DEAF1: variants seen among roughly 807,000 people sequenced by gnomAD.
The protein encoded by DEAF1 is deformed epidermal autoregulatory factor 1 homolog.
A neutral mutation model predicts 58.9 loss-of-function variants in DEAF1; 53 were observed. The observed-to-expected ratio is 0.90, with a 90% CI of 0.72 to 1.13. The LOEUF (loss-of-function observed/expected upper bound fraction) is 1.13. Ranked by LOEUF, DEAF1 falls within the 50% of genes most tolerant of loss-of-function variation. The pLI is 0.00. For missense variants in DEAF1, 685 were observed against 791.4 expected, an observed-to-expected ratio of 0.87 and a Z score of 1.61; for synonymous variants, 385 against 340.4, an observed-to-expected ratio of 1.13 and a Z score of -1.44.
intron 5 of DEAF1, among the ~76,000 whole-genome samples, chr11:685,755 C>T (rs1456796329): frequency 1.3e-5 from 2 of 151,920 alleles, no homozygotes; most frequent in African/African-American, 4.8e-5. Flanking sequence ...GTGGCTCACA[C>T]ATGTAATCCC....
Position 681,001 on chromosome 11 carries a change from T to G in DEAF1, c.959A>C (p.Lys320Thr). Residue 320 changes from lysine (K) to threonine (T), a missense_variant, in exon 7 of 12, where the codon AAG becomes ACG. This residue lies in a region of DEAF1 where 343 missense variants were observed against 379.8 expected (regional missense o/e 0.90). Coordinates refer to ENST00000382409, the MANE Select transcript of DEAF1 (RefSeq NM_021008.4). ...PTTPVKKDSP[K>T]NITLLPATAA... Reference sequence around the variant, plus strand: ...GGTGGCTGGAAGCAATGTGATGTTCTTGGGGGAGTCCTTCTTCACGGGAGT... The same window carrying G: ...GGTGGCTGGAAGCAATGTGATGTTCGTGGGGGAGTCCTTCTTCACGGGAGT... 1.2e-6 allele frequency: 2 copies of G among 1,614,204 alleles called. No individual in the cohort carries two copies. Among genetic ancestry groups the G allele is most frequent in the Non-Finnish European group, 1.7e-6 (2 of 1,180,032 alleles).
At chr11:699,926 G>A (rs896388437), upstream of DEAF1, 7 of 549,726 alleles carry the variant, frequency 1.3e-5, no homozygotes, top group Non-Finnish European at 2.3e-5. Context: ...GTGGCATGGA[G>A]GGGGGTCCCA....
At chr11:700,293 G>T in intron 1 of DEAF1, 3 of 1,454,464 alleles carry the variant, frequency 2.1e-6, no homozygotes, top group Non-Finnish European at 2.9e-6. Context: ...TTGGGAGGCT[G>T]AGGTGGGCGG....
chr11:683,999 C>A (rs896281143), intron 6 of DEAF1, among the ~76,000 whole-genome samples: 1 of 152,178 alleles, frequency 6.6e-6, no homozygotes, highest in Non-Finnish European at 1.5e-5. Context: ...CAATCAACTT[C>A]AAAATTATTT....
chr11:644,522 C>T lies in DEAF1; in HGVS notation c.*28G>A, dbSNP rs1858388740. On this transcript the variant is annotated 3_prime_UTR_variant, in exon 12 of 12. Transcript: ENST00000382409. The surrounding 1 kb of genome is among the most constrained non-coding windows in gnomAD (Gnocchi z 4.3). ...AAAGCCTCACAGGAGTGCGAGGGGC[C>T]CCAGCTCCCAGGGCGGCCGATGGAG... The T allele has an allele frequency of 6.3e-7, 1 of 1,599,030 alleles. No homozygotes were observed. Among genetic ancestry groups the T allele is most frequent in the African/African-American group, 1.3e-5 (1 of 74,824 alleles).
chr11:705,954 G>C (rs1425241622), intron 1 of DEAF1, among the ~76,000 whole-genome samples: 2 of 152,216 alleles, frequency 1.3e-5, no homozygotes, highest in Non-Finnish European at 2.9e-5. Flanking sequence ...CCAGCTCTAG[G>C]GGCTAGGCCC....
chr11:669,559 C>T lies in DEAF1; in HGVS notation c.1503+4977G>A, dbSNP rs1302733400. ...GCTGAAGCAGGAGACTCTCTTGAAC[C>T]TGGGAGGTGGAGGTTATGGCGAGCC... On this transcript the variant is annotated intron_variant, in intron 10 of 11. Transcript: ENST00000382409. 2.0e-5 allele frequency among the ~76,000 whole-genome samples: 3 copies of T among 151,526 alleles called. No homozygotes were observed. In the East Asian group the frequency reaches 5.8e-4, roughly 29 times the overall value.
chr11:676,639 G>C (rs1473710952), intron 9 of DEAF1, among the ~76,000 whole-genome samples: 1 of 151,988 alleles, frequency 6.6e-6, no homozygotes, highest in Non-Finnish European at 1.5e-5. Flanking sequence ...CGAGTAGCTG[G>C]GATTACAGGC....
chr11:695,955 C>T (rs4963167), upstream of DEAF1: 262,757 of 868,804 alleles, frequency 0.3, 41,850 homozygotes, highest in Non-Finnish European at 0.32. Context: ...GCCGTGCCAC[C>T]GTCTCTACGT....
intron 1 of DEAF1, chr11:705,400 C>G (rs1861669650): frequency 6.5e-6 from 1 of 154,552 alleles, no homozygotes; most frequent in African/African-American, 2.4e-5. Flanking sequence ...AAGGGCCATC[C>G]TGGAAGCCGG....
At chr11:656,748 G>A (rs1438543815) in intron 10 of DEAF1, among the ~76,000 whole-genome samples, 2 of 152,240 alleles carry the variant, frequency 1.3e-5, no homozygotes, top group African/African-American at 4.8e-5. Context: ...CATAGTTCCT[G>A]GAGGACAGCA....
At chr11:682,338 G>A (rs934287457) in intron 6 of DEAF1, among the ~76,000 whole-genome samples, 6 of 152,128 alleles carry the variant, frequency 3.9e-5, no homozygotes, top group Non-Finnish European at 7.4e-5. Context: ...CTTGAAGGTC[G>A]GTTTCCCAGA....
chr11:685,418 G>A (rs1213538673), intron 5 of DEAF1, among the ~76,000 whole-genome samples: 3 of 152,202 alleles, frequency 2.0e-5, no homozygotes, highest in Non-Finnish European at 4.4e-5. Flanking sequence ...ATCAGGGCCG[G>A]GCATGGTGGC....
At chr11:692,369 C>T (rs546497576) in intron 1 of DEAF1, 1 of 155,462 alleles carries the variant, frequency 6.4e-6, no homozygotes, top group East Asian at 1.9e-4. Flanking sequence ...CACCCCCACA[C>T]CCTCCTCTCT....
At chr11:675,165 A>G (rs1457117530) in intron 9 of DEAF1, among the ~76,000 whole-genome samples, 1 of 39,864 alleles carries the variant, frequency 2.5e-5, no homozygotes, top group Non-Finnish European at 7.5e-5. Context: ...AGCCTGGGCA[A>G]CAGAGTGAGA....
At chr11:704,778 C>T in intron 1 of DEAF1, 2 of 619,114 alleles carry the variant, frequency 3.2e-6, no homozygotes, top group Non-Finnish European at 4.9e-6. Flanking sequence ...CTCCTGAGGG[C>T]AGGCTCCGCA....
At chr11:648,351 C>T (rs544266313) in intron 11 of DEAF1, among the ~76,000 whole-genome samples, 3 of 152,066 alleles carry the variant, frequency 2.0e-5, no homozygotes, top group African/African-American at 4.8e-5. Context: ...CCCACCACCA[C>T]GCCAAGCTAA....
intron 6 of DEAF1, among the ~76,000 whole-genome samples, chr11:683,395 G>A (rs759985446): frequency 1.5e-4 from 23 of 152,158 alleles, no homozygotes; most frequent in Admixed American, 5.9e-4. Context: ...GCTGATGAAC[G>A]TCCTGTCACT....
chr11:665,144 TAA>T (rs1859463601), intron 10 of DEAF1, among the ~76,000 whole-genome samples: 1 of 128,798 alleles, frequency 7.8e-6, no homozygotes. Flanking sequence ...TCGGTCACTC[TAA>T]GTAAGTCCTG....
Sources: allele counts gnomAD v4.1 joint callset (sites outside exome capture counted in the v4.1 genomes callset), GRCh38; gene constraint gnomAD v4.1.1; regional missense constraint gnomAD v4.1.1; non-coding constraint Gnocchi (gnomAD v3.1); transcripts MANE v1.5; gene names NCBI Gene and HGNC (gene_info 2026-07-23, HGNC 2026-07-21).